Variants in ALS2CL observed in about 807,000 individuals in gnomAD.
The protein encoded by ALS2CL is ALS2 C-terminal-like protein.
ALS2CL carries 112 observed loss-of-function variants against 127.9 expected under a neutral mutation model. That is an observed-to-expected ratio of 0.88 (90% CI 0.75 to 1.02). The LOEUF (loss-of-function observed/expected upper bound fraction) is 1.02. Among genes scored for constraint, ALS2CL ranks in the 50% least tolerant of loss-of-function variants. The pLI is 0.00. For missense variants in ALS2CL, 1,174 were observed against 1,236.7 expected, an observed-to-expected ratio of 0.95 and a Z score of 0.76; for synonymous variants, 519 against 527.6, an observed-to-expected ratio of 0.98 and a Z score of 0.22.
In ALS2CL at chr3:46,671,942, A is replaced by G. The variant is rs768429365; in HGVS notation, c.2626T>C (p.Tyr876His). 3.1e-6 allele frequency: 5 copies of G among 1,613,666 alleles called. No individual in the cohort carries two copies. Among genetic ancestry groups the G allele is most frequent in the Non-Finnish European group, 3.4e-6 (4 of 1,179,942 alleles). Reference sequence around the variant, plus strand: ...AGCAGGTCGTCCATGGGCAGCTTGTACTCCCGGCCCAATACCCTCGACACC... The same window carrying G: ...AGCAGGTCGTCCATGGGCAGCTTGTGCTCCCGGCCCAATACCCTCGACACC... ...GTVSRVLGRE[Y>H]KLPMDDLLPL... The change falls in exon 24 of 26, where the codon TAC (tyrosine) becomes CAC (histidine). Residue 876 changes from tyrosine to histidine, a missense_variant. Tyr to His is a moderately conservative substitution (Grantham distance 83). Coordinates refer to ENST00000318962, the MANE Select transcript of ALS2CL (RefSeq NM_147129.5).
chr3:46,671,190 G>A, intron 25 of ALS2CL, 126 bp from the exon 26 acceptor site: 1 of 1,094,350 alleles, frequency 9.1e-7, no homozygotes. Flanking sequence ...CTCCAACTCA[G>A]CCCTCAGCCA....
Position 46,684,054 on chromosome 3 carries a change from G to T in ALS2CL, c.787-7C>A. 1.3e-6 allele frequency: 2 copies of T among 1,553,704 alleles called. No homozygotes were observed. Among genetic ancestry groups the T allele is most frequent in the Non-Finnish European group, 1.7e-6 (2 of 1,148,264 alleles). On this transcript the variant is annotated splice_region_variant and splice_polypyrimidine_tract_variant and intron_variant, in intron 7 of 25. Coordinates refer to ENST00000318962, the MANE Select transcript of ALS2CL (RefSeq NM_147129.5). ...AGGTGTGGACATTGTGGCCCTGGAA[G>T]AGGATGGACACAGGAGTCATCCAGA...
chr3:46,683,674 G>A, intron 9 of ALS2CL, 108 bp downstream of exon 9: 1 of 1,385,754 alleles, frequency 7.2e-7, no homozygotes, highest in Non-Finnish European at 1.0e-6. Flanking sequence ...AAGCCTGCCA[G>A]ACACTCGCCG....
At chr3:46,676,002 C>T (rs4683269) in intron 19 of ALS2CL, 5 of 1,417,028 alleles carry the variant, frequency 3.5e-6, no homozygotes, top group African/African-American at 1.4e-5. Flanking sequence ...AGTGCACCTG[C>T]GGTCAGAGTC....
Position 46,687,646 on chromosome 3 carries a change from G to C in ALS2CL, c.341C>G (p.Ala114Gly). The change falls in exon 4 of 26, where the codon GCC (alanine) becomes GGC (glycine). Residue 114 changes from alanine to glycine, a missense_variant. By Grantham distance (60) the Ala-to-Gly change is moderately conservative (BLOSUM62 0). Transcript: ENST00000318962. ...TCTCCTCTTTGCTGCCTTCTGGAAG[G>C]CCTGCACCACCATGCAGCTTGTGTA... is the stretch of plus-strand genomic sequence containing the variant. ...ESYTSCMVVQ[A>G]FQKAAKRRSE... 6.2e-7 allele frequency: 1 copy of C among 1,613,324 alleles called. No homozygotes were observed.
chr3:46,672,799 A>G (rs1575406443), intron 22 of ALS2CL, among the ~76,000 whole-genome samples: 6 of 152,296 alleles, frequency 3.9e-5, no homozygotes, highest in Admixed American at 3.9e-4. Flanking sequence ...GTTTGAGACC[A>G]GCCTGGCCAA....
At position 46,680,440 on chromosome 3, in the gene ALS2CL, T is replaced by C. The variant is rs2106716410; in HGVS notation, c.1538A>G (p.Asp513Gly). Reference protein sequence around the residue: ...GVCYQGTFQADKTVGPGILLS... With the variant: ...GVCYQGTFQAGKTVGPGILLS... ...ATACACTCCACTCACCACCGTCTTGTCCGCCTGGAAGGTGCCCTGGTAGCA... is the reference window on the plus strand; with the variant it reads ...ATACACTCCACTCACCACCGTCTTGCCCGCCTGGAAGGTGCCCTGGTAGCA... Residue 513 changes from aspartate (D) to glycine (G), a missense_variant, in exon 14 of 26, where the codon GAC becomes GGC. Coordinates refer to ENST00000318962, the MANE Select transcript of ALS2CL (RefSeq NM_147129.5). 1 of 1,613,304 alleles carries C rather than the reference T, an allele frequency of 6.2e-7. No homozygotes were observed. Among genetic ancestry groups the C allele is most frequent in the Middle Eastern group, 1.7e-4 (1 of 6,056 alleles).
intron 20 of ALS2CL, 197 bp downstream of exon 20, chr3:46,675,421 G>T: frequency 3.4e-6 from 2 of 580,818 alleles, no homozygotes; most frequent in Non-Finnish European, 6.1e-6. Context: ...TTGTAGCAGT[G>T]CCCCCTCCCT....
chr3:46,677,464 G>GTTTTTTTA, intron 16 of ALS2CL: 1 of 910,918 alleles, frequency 1.1e-6, no homozygotes, highest in Non-Finnish European at 1.3e-6. Flanking sequence ...ATGTCTAATG[G>GTTTTTTTA]AGCCCTGCAC....
chr3:46,672,099 C>T, intron 23 of ALS2CL, 41 bp downstream of exon 23: 1 of 1,614,178 alleles, frequency 6.2e-7, no homozygotes, highest in Non-Finnish European at 8.5e-7. Flanking sequence ...GCACCCCACA[C>T]TCTGCCTCCG....
Position 46,682,043 on chromosome 3 carries a change from C to T in ALS2CL, c.1161G>A (p.Gln387=), listed in dbSNP as rs376990206. Residue 387 remains glutamine (Q), a synonymous_variant, in exon 11 of 26, where the codon CAG becomes CAA. Transcript: ENST00000318962. ...GCCAGCCTTACCCATGCTCCAGGCC[C>T]TGGCAGAAATTCCCCACGTGATTCC... ...DGRNHVGNFC[Q]GLEHGFGIRL... The T allele has an allele frequency of 1.8e-5, 29 of 1,613,970 alleles. No individual in the cohort carries two copies. Among genetic ancestry groups the T allele is most frequent in the Non-Finnish European group, 2.3e-5 (27 of 1,179,994 alleles).
chr3:46,684,412 C>CTAT (rs56183598), intron 7 of ALS2CL, among the ~76,000 whole-genome samples: 2 of 151,314 alleles, frequency 1.3e-5, no homozygotes, highest in Non-Finnish European at 2.9e-5. Flanking sequence ...CAGACCACTA[C>CTAT]GCCATCAGGG....
chr3:46,678,511 C>T (rs1699058702), intron 15 of ALS2CL, 122 bp from the exon 16 acceptor site: 4 of 1,298,774 alleles, frequency 3.1e-6, no homozygotes, highest in South Asian at 3.3e-5. Flanking sequence ...ATGGGCTTCC[C>T]GCCATCCATT....
Position 46,671,485 on chromosome 3 carries a change from T to G in ALS2CL, c.2781+3A>C. On this transcript the variant is annotated splice_donor_region_variant and intron_variant, in intron 25 of 25. Transcript: ENST00000318962. ...ACCTCGGTCCACAGCCCCTGTCCCT[T>G]ACCTCCAGGGCTGTGAGCAGGAAGT... 1.9e-6 allele frequency: 3 copies of G among 1,613,956 alleles called. No individual in the cohort carries two copies. The highest frequency in any genetic ancestry group is 2.5e-6 in the Non-Finnish European group (3 of 1,179,978).
intron 1 of ALS2CL, among the ~76,000 whole-genome samples, chr3:46,690,262 T>C (rs1412455210): frequency 6.6e-6 from 1 of 152,192 alleles, no homozygotes; most frequent in Non-Finnish European, 1.5e-5. Flanking sequence ...GAGGAGATAG[T>C]GCCAGGCAGT....
At chr3:46,673,518 A>G (rs1184791355) in intron 21 of ALS2CL, 137 bp from the exon 22 acceptor site, 1 of 875,972 alleles carries the variant, frequency 1.1e-6, no homozygotes, top group South Asian at 1.7e-5. Context: ...AGCCTAGGTC[A>G]TGGGGAGGAT....
intron 1 of ALS2CL, among the ~76,000 whole-genome samples, chr3:46,693,274 A>G (rs1700273423): frequency 6.6e-6 from 1 of 152,224 alleles, no homozygotes; most frequent in African/African-American, 2.4e-5. Flanking sequence ...GGCATTTGCC[A>G]TGCCGCTCCC....
At chr3:46,688,777 C>T (rs968851878) in intron 2 of ALS2CL, among the ~76,000 whole-genome samples, 26 of 152,362 alleles carry the variant, frequency 1.7e-4, no homozygotes, top group African/African-American at 5.5e-4. Flanking sequence ...GTTCCCCTCC[C>T]GGCACCATCA....
At chr3:46,675,151 C>T (rs2106694340) in intron 20 of ALS2CL, 2 of 207,138 alleles carry the variant, frequency 9.7e-6, no homozygotes, top group East Asian at 2.4e-4. Context: ...TCCTGCAAGG[C>T]AGTGACAGGA....
Sources: allele counts gnomAD v4.1 joint callset (sites outside exome capture counted in the v4.1 genomes callset), GRCh38; gene constraint gnomAD v4.1.1; transcripts MANE v1.5; gene names NCBI Gene and HGNC (gene_info 2026-07-23, HGNC 2026-07-21).